Variants in PKHD1 observed in about 807,000 individuals in gnomAD.
PKHD1 encodes the protein PKHD1 ciliary IPT domain containing fibrocystin/polyductin, also known as fibrocystin.
In PKHD1, 291 loss-of-function variants were observed where a neutral mutation model predicts 412.0. That is an observed-to-expected ratio of 0.71 (90% CI 0.64 to 0.78). The LOEUF (loss-of-function observed/expected upper bound fraction) is 0.78. Among genes scored for constraint, PKHD1 ranks in the 30% least tolerant of loss-of-function variants. PKHD1 has a pLI of 0.00. For synonymous variants in PKHD1, 1,777 were observed against 1,821.5 expected, an observed-to-expected ratio of 0.98 and a Z score of 0.62; for missense variants, 4,825 against 4,950.7, an observed-to-expected ratio of 0.97 and a Z score of 0.76.
At chr6:51,911,713 G>A (rs563895563) in intron 39 of PKHD1, 86 bp downstream of exon 39, 1 of 1,179,890 alleles carries the variant, frequency 8.5e-7, no homozygotes, top group South Asian at 1.2e-5. Flanking sequence ...TTTTAAAAGA[G>A]GTCAACCACA....
intron 55 of PKHD1, among the ~76,000 whole-genome samples, chr6:51,762,659 A>ATTTT (rs1318303672): frequency 1.5e-5 from 2 of 132,414 alleles, no homozygotes. Context: ...ATATATATAT[A>ATTTT]TATATATTTT....
chr6:51,975,963 T>TAAAA (rs66774242), intron 35 of PKHD1: 4 of 69,778 alleles, frequency 5.7e-5, no homozygotes, highest in Non-Finnish European at 8.2e-5. Flanking sequence ...TTTCTCTAAT[T>TAAAA]AAAAAAAAAA....
In PKHD1 at chr6:52,017,447, C is replaced by G. The variant is rs750049682; in HGVS notation, c.5563G>C (p.Glu1855Gln). The G allele has an allele frequency of 6.2e-7, 1 of 1,613,846 alleles. No homozygotes were observed. Among genetic ancestry groups the G allele is most frequent in the Non-Finnish European group, 8.5e-7 (1 of 1,179,690 alleles). The change falls in exon 34 of 67, where the codon GAG becomes CAG. Residue 1855 changes from glutamate (E) to glutamine (Q), a missense_variant. Coordinates refer to ENST00000371117, the MANE Select transcript of PKHD1 (RefSeq NM_138694.4). ...QCLFVPDHWA[E>Q]SMFPSFSGLF... ...CCCGAGAATGATGGAAACATTGACTCTGCCCAATGATCTGGCACAAAGAGG... is the reference window on the plus strand; with the variant it reads ...CCCGAGAATGATGGAAACATTGACTGTGCCCAATGATCTGGCACAAAGAGG...
chr6:51,956,606 T>C (rs1353477024), intron 36 of PKHD1, among the ~76,000 whole-genome samples: 3 of 151,972 alleles, frequency 2.0e-5, no homozygotes, highest in Non-Finnish European at 4.4e-5. Context: ...AGCAAGTAAA[T>C]TGATAATATA....
At chr6:51,779,677 A>G (rs1395670608) in intron 53 of PKHD1, among the ~76,000 whole-genome samples, 1 of 152,132 alleles carries the variant, frequency 6.6e-6, no homozygotes, top group Non-Finnish European at 1.5e-5. Context: ...ACTTTTAAGC[A>G]TTTATGTACC....
intron 36 of PKHD1, among the ~76,000 whole-genome samples, chr6:51,956,198 C>T (rs1485904487): frequency 2.0e-5 from 3 of 151,876 alleles, no homozygotes; most frequent in African/African-American, 4.8e-5. Context: ...CCTAACAATT[C>T]ATCATAATAT....
intron 60 of PKHD1, among the ~76,000 whole-genome samples, chr6:51,716,696 A>C (rs1346797944): frequency 6.6e-6 from 1 of 152,042 alleles, no homozygotes; most frequent in African/African-American, 2.4e-5. Flanking sequence ...ATTGGTCCTG[A>C]AGTGGGTGTA....
Position 51,738,107 on chromosome 6 carries a change from G to A in PKHD1, c.10156+6278C>T, listed in dbSNP as rs79682425. Among the ~76,000 whole-genome samples, 51 of 152,248 alleles carry A rather than the reference G, an allele frequency of 3.3e-4. 2 individuals are homozygous for A. In the East Asian group the frequency reaches 8.3e-3, roughly 25 times the overall value. The stretch of plus-strand genomic sequence containing the variant: ...AATACCTCACTGTAGACAGGTAGCC[G>A]ATAGTTTGTGGGCCAGCACGCGTGG... On this transcript the variant is annotated intron_variant, in intron 60 of 66. Transcript: ENST00000371117.
Position 51,867,893 on chromosome 6 carries a change from C to G in PKHD1, c.7703G>C (p.Gly2568Ala). 1 of 1,613,356 alleles carries G rather than the reference C, an allele frequency of 6.2e-7. No homozygotes were observed. Among genetic ancestry groups the G allele is most frequent in the Non-Finnish European group, 8.5e-7 (1 of 1,179,474 alleles). Reference protein sequence around the residue: ...RVVHGSACGGGVLFHRMSIGL... With the variant: ...RVVHGSACGGAVLFHRMSIGL... Reference sequence around the variant, plus strand: ...AATAGACATACGATGAAAAAGAACACCTCCTCCACAGGCACTGCCATGGAC... The same window carrying G: ...AATAGACATACGATGAAAAAGAACAGCTCCTCCACAGGCACTGCCATGGAC... Residue 2568 changes from glycine to alanine, a missense_variant, in exon 48 of 67, where the codon GGT (glycine) becomes GCT (alanine). By Grantham distance (60) the Gly-to-Ala change is moderately conservative. Coordinates refer to ENST00000371117, the MANE Select transcript of PKHD1 (RefSeq NM_138694.4).
intron 63 of PKHD1, among the ~76,000 whole-genome samples, chr6:51,640,225 G>C (rs1769164114): frequency 6.6e-6 from 1 of 152,140 alleles, no homozygotes; most frequent in African/African-American, 2.4e-5. Context: ...CCCATCTTTG[G>C]AAGAATACAA....
Position 52,044,222 on chromosome 6 carries a change from C to T in PKHD1, c.2716-492G>A, listed in dbSNP as rs558565086. ...AGAATGGTAGATTCCTAAAGAGAGA[C>T]TATATATCTTTCCCTTTCACTGGAA... On this transcript the variant is annotated intron_variant, in intron 25 of 66. Coordinates refer to ENST00000371117, the MANE Select transcript of PKHD1 (RefSeq NM_138694.4). 3.8e-4 allele frequency among the ~76,000 whole-genome samples: 58 copies of T among 152,250 alleles called. 3 individuals are homozygous for T. In the South Asian group the frequency reaches 0.012, roughly 32 times the overall value.
chr6:51,659,433 G>T lies in PKHD1; in HGVS notation c.10693C>A (p.Leu3565Ile), dbSNP rs1426139137. ...IRSGVSIHLALTVMVSVLEKG... is the reference protein window; with the variant it reads ...IRSGVSIHLAITVMVSVLEKG... ...TCTAAGACTGAAACCATCACAGTGA[G>T]GGCCAAGTGAATGGAAACACCTGAG... The change falls in exon 61 of 67, where the codon CTC becomes ATC. Residue 3565 changes from leucine (L) to isoleucine (I), a missense_variant. Physicochemically the swap from Leu to Ile is conservative, Grantham distance 5. Transcript: ENST00000371117. The T allele has an allele frequency of 6.2e-7, 1 of 1,613,598 alleles. No individual in the cohort carries two copies. The highest frequency in any genetic ancestry group is 1.7e-5 in the Admixed American group (1 of 59,884).
intron 35 of PKHD1, among the ~76,000 whole-genome samples, chr6:51,993,764 C>T (rs74715393): frequency 2.4e-3 from 368 of 152,152 alleles, no homozygotes; most frequent in Middle Eastern, 0.01. Context: ...ATAGTCAATT[C>T]GATAGTTTAG....
chr6:51,693,239 T>C (rs755807021), intron 60 of PKHD1, among the ~76,000 whole-genome samples: 2 of 152,238 alleles, frequency 1.3e-5, no homozygotes, highest in African/African-American at 2.4e-5. Context: ...CACTTTTCTC[T>C]ATGAAGGCAT....
At chr6:51,637,036 C>G (rs1411244232) in intron 64 of PKHD1, among the ~76,000 whole-genome samples, 1 of 152,186 alleles carries the variant, frequency 6.6e-6, no homozygotes, top group Admixed American at 6.5e-5. Context: ...CAGTAGTCTA[C>G]TAAGTGTGAA....
chr6:51,653,719 T>A (rs1211347917), intron 61 of PKHD1, among the ~76,000 whole-genome samples: 2 of 152,104 alleles, frequency 1.3e-5, no homozygotes, highest in African/African-American at 4.8e-5. Flanking sequence ...AGGGGACAAC[T>A]ACACCTCTTA....
At position 51,944,452 on chromosome 6, in the gene PKHD1, A is replaced by AT. The variant is rs565184370; in HGVS notation, c.5909-10131dup. Among the ~76,000 whole-genome samples, 4 of 151,514 alleles carry AT rather than the reference A, an allele frequency of 2.6e-5. No homozygotes were observed. The South Asian group carries it at 8.3e-4, about 32-fold the overall frequency. ...AAAACACTAAGATTGGTCTTTTGAG[A>AT]TTTTTTTTTAGGCTTTTGTATTTCT... On this transcript the variant is annotated intron_variant, in intron 36 of 66. Coordinates refer to ENST00000371117, the MANE Select transcript of PKHD1 (RefSeq NM_138694.4).
intron 52 of PKHD1, among the ~76,000 whole-genome samples, chr6:51,799,435 A>G (rs1205595686): frequency 1.3e-5 from 2 of 152,190 alleles, no homozygotes; most frequent in African/African-American, 4.8e-5. Flanking sequence ...ATATATACAA[A>G]TAAATAATGT....
intron 34 of PKHD1, among the ~76,000 whole-genome samples, chr6:52,014,282 A>C (rs1019652147): frequency 6.6e-6 from 1 of 152,224 alleles, no homozygotes; most frequent in Non-Finnish European, 1.5e-5. Context: ...TCTTCAGAGA[A>C]GCCTCCTCTG....
Sources: allele counts gnomAD v4.1 joint callset (sites outside exome capture counted in the v4.1 genomes callset), GRCh38; gene constraint gnomAD v4.1.1; transcripts MANE v1.5; gene names NCBI Gene and HGNC (gene_info 2026-07-23, HGNC 2026-07-21).